Variants in PCSK5 observed in about 807,000 individuals in gnomAD.
The protein encoded by PCSK5 is prohormone convertase 5.
Under a neutral mutation model 233.2 loss-of-function variants are expected in PCSK5, and 129 were observed. The ratio of observed to expected loss-of-function variants is 0.55; its 90% confidence interval spans 0.48 to 0.64. The LOEUF is 0.64. Ranked by LOEUF, PCSK5 falls within the 30% of genes least tolerant of loss-of-function variation. The pLI, the probability that PCSK5 is intolerant of heterozygous loss-of-function variation, is 0.00. For synonymous variants in PCSK5, 825 were observed against 879.2 expected (o/e 0.94, Z 1.09); for missense variants, 2,076 against 2,430.1 (o/e 0.85, Z 3.06).
Position 76,071,519 on chromosome 9 carries a change from A to G in PCSK5, c.722-207A>G, listed in dbSNP as rs1587587942. On this transcript the variant is annotated intron_variant, in intron 6 of 37. Transcript: ENST00000674117. ...AAAGAAAATGGATTAAAAAAATTGA[A>G]GTTTTGCTCTTTTATATACAATATG... Among the ~76,000 whole-genome samples, 3 of 152,296 alleles carry G rather than the reference A, an allele frequency of 2.0e-5. No individual in the cohort carries two copies. In the Middle Eastern group the frequency reaches 0.01, roughly 518 times the overall value.
chr9:76,173,495 C>CTTTTTT (rs1587715951), intron 13 of PCSK5, among the ~76,000 whole-genome samples: 7 of 34,604 alleles, frequency 2.0e-4, no homozygotes, highest in South Asian at 8.2e-4. Context: ...AGGCACGTTT[C>CTTTTTT]CTTTTTTTTT....
At chr9:75,962,809 C>T (rs964700845) in intron 2 of PCSK5, among the ~76,000 whole-genome samples, 2 of 152,186 alleles carry the variant, frequency 1.3e-5, no homozygotes, top group African/African-American at 4.8e-5. Flanking sequence ...ATGGGACCCA[C>T]AGAAGTGCTG....
chr9:76,255,306 T>C (rs1826948236), intron 24 of PCSK5, among the ~76,000 whole-genome samples: 1 of 151,888 alleles, frequency 6.6e-6, no homozygotes, highest in Non-Finnish European at 1.5e-5. Flanking sequence ...AAAAAAATAA[T>C]TTTAAAAAAC....
intron 2 of PCSK5, among the ~76,000 whole-genome samples, chr9:75,972,093 A>T (rs1023896639): frequency 6.6e-6 from 1 of 152,232 alleles, no homozygotes; most frequent in Non-Finnish European, 1.5e-5. Flanking sequence ...AATTTTCTGC[A>T]TATGGCTAGC....
intron 34 of PCSK5, among the ~76,000 whole-genome samples, chr9:76,334,115 G>A (rs7025732): frequency 0.013 from 2,039 of 152,162 alleles, 48 homozygotes; most frequent in African/African-American, 0.045. Flanking sequence ...AGAGCCAGGC[G>A]AAACGGGTTT....
At chr9:76,044,834 T>C (rs12000319) in intron 5 of PCSK5, among the ~76,000 whole-genome samples, 67,362 of 151,982 alleles carry the variant, frequency 0.44, 15,352 homozygotes, top group Middle Eastern at 0.54. Flanking sequence ...TGAAGGGGAC[T>C]ATTCAAATTC....
chr9:75,962,892 TG>T (rs1825416150), intron 2 of PCSK5, among the ~76,000 whole-genome samples: 1 of 152,170 alleles, frequency 6.6e-6, no homozygotes, highest in South Asian at 2.1e-4. Context: ...TAAGACACTG[TG>T]TGTGTGTTGG....
chr9:76,203,366 GA>G (rs1423534291), intron 20 of PCSK5, among the ~76,000 whole-genome samples: 2 of 151,984 alleles, frequency 1.3e-5, no homozygotes, highest in African/African-American at 4.8e-5. Flanking sequence ...GTTGACAAGG[GA>G]CTTTGCAGGA....
intron 24 of PCSK5, among the ~76,000 whole-genome samples, chr9:76,247,087 A>T (rs911893916): frequency 6.6e-6 from 1 of 152,218 alleles, no homozygotes; most frequent in Non-Finnish European, 1.5e-5. Context: ...GGATGAACCT[A>T]GGCACTTAGT....
chr9:76,118,559 A>G (rs1832518572), intron 9 of PCSK5, among the ~76,000 whole-genome samples: 1 of 152,206 alleles, frequency 6.6e-6, no homozygotes, highest in African/African-American at 2.4e-5. Context: ...TTAGAAGCAA[A>G]TAAGTATTTA....
intron 9 of PCSK5, among the ~76,000 whole-genome samples, chr9:76,111,111 CA>C (rs1002695348): frequency 8.4e-5 from 12 of 142,616 alleles, no homozygotes; most frequent in Non-Finnish European, 1.1e-4. Flanking sequence ...TGTCTCAAAA[CA>C]AAAAAAAAAG....
chr9:75,913,561 C>A (rs949790578), intron 1 of PCSK5, among the ~76,000 whole-genome samples: 6 of 152,124 alleles, frequency 3.9e-5, no homozygotes, highest in Non-Finnish European at 7.4e-5. Flanking sequence ...TGGCTCCAGG[C>A]TGCATATTTA....
chr9:75,950,158 A>AGG (rs1824787141), intron 2 of PCSK5, among the ~76,000 whole-genome samples: 1 of 37,408 alleles, frequency 2.7e-5, no homozygotes, highest in African/African-American at 1.1e-4. Context: ...GGGGGCGGGG[A>AGG]GGGGGGAACT....
At chr9:76,079,724 G>T (rs1564013578) in intron 7 of PCSK5, among the ~76,000 whole-genome samples, 1 of 152,168 alleles carries the variant, frequency 6.6e-6, no homozygotes, top group Non-Finnish European at 1.5e-5. Context: ...TTGAGAGTGG[G>T]CATTCCCTGT....
intron 3 of PCSK5, among the ~76,000 whole-genome samples, chr9:75,995,755 ACACACACACACACACACACACACACACT>A (rs1304536929): frequency 8.3e-6 from 1 of 120,082 alleles, no homozygotes. Flanking sequence ...ACACACACAC[ACACACACACACACACACACACACACACT>A]CACACCTCTC....
intron 10 of PCSK5, among the ~76,000 whole-genome samples, chr9:76,146,843 G>A (rs562926650): frequency 1.3e-5 from 2 of 152,252 alleles, no homozygotes; most frequent in South Asian, 4.1e-4. Flanking sequence ...TCATGTTCAT[G>A]AGACCTAGTT....
intron 10 of PCSK5, among the ~76,000 whole-genome samples, chr9:76,136,024 C>A (rs143662503): frequency 6.6e-6 from 1 of 151,900 alleles, no homozygotes; most frequent in African/African-American, 2.4e-5. Flanking sequence ...AAGGAGGAAA[C>A]GGTATTTTAC....
intron 20 of PCSK5, among the ~76,000 whole-genome samples, chr9:76,219,137 T>C (rs1027070031): frequency 6.6e-6 from 1 of 152,150 alleles, no homozygotes; most frequent in Non-Finnish European, 1.5e-5. Flanking sequence ...GCTCCTCCTC[T>C]CTCCAGGGGC....
intron 10 of PCSK5, among the ~76,000 whole-genome samples, chr9:76,137,655 T>C (rs1823040779): frequency 6.6e-6 from 1 of 151,948 alleles, no homozygotes; most frequent in African/African-American, 2.4e-5. Flanking sequence ...CCAGAGATAG[T>C]TTTTTTAATT....
Sources: allele counts gnomAD v4.1 joint callset (sites outside exome capture counted in the v4.1 genomes callset), GRCh38; gene constraint gnomAD v4.1.1; transcripts MANE v1.5; gene names NCBI Gene and HGNC (gene_info 2026-07-23, HGNC 2026-07-21).